PSMA3: variants seen among roughly 807,000 people sequenced by gnomAD.
The protein encoded by PSMA3 is proteasome 20S subunit alpha 3, also known as proteasome subunit alpha type-3.
In PSMA3, 8 loss-of-function variants were observed where a neutral mutation model predicts 40.0. The ratio of observed to expected loss-of-function variants is 0.20; its 90% confidence interval spans 0.12 to 0.36. PSMA3 has a LOEUF of 0.36. Among genes scored for constraint, PSMA3 ranks in the 10% least tolerant of loss-of-function variants. The pLI is 1.00. For missense variants in PSMA3, 219 were observed against 310.6 expected, an observed-to-expected ratio of 0.70 and a Z score of 2.22; for synonymous variants, 110 against 100.0, an observed-to-expected ratio of 1.10 and a Z score of -0.59.
intron 9 of PSMA3, 136 bp downstream of exon 9, chr14:58,270,621 AAT>A: frequency 1.4e-6 from 2 of 1,463,570 alleles, no homozygotes; most frequent in Non-Finnish European, 1.8e-6. Flanking sequence ...AGTTCTGCTT[AAT>A]AATTGACTTA....
intron 6 of PSMA3, among the ~76,000 whole-genome samples, chr14:58,263,126 G>T (rs1006960323): frequency 6.6e-6 from 1 of 151,684 alleles, no homozygotes; most frequent in Admixed American, 6.6e-5. Flanking sequence ...GGCATTACAG[G>T]CACCTGCCAC....
intron 6 of PSMA3, 119 bp downstream of exon 6, chr14:58,261,139 T>TTA: frequency 1.4e-6 from 1 of 739,014 alleles, no homozygotes; most frequent in Non-Finnish European, 2.1e-6. Flanking sequence ...AAAGTAATTT[T>TTA]TCTTTTTTTT....
rs372480112 is a variant in PSMA3, at chr14:58,261,040, T to C, written c.477+20T>C. Reference sequence around the variant, plus strand: ...TCATACGTGAGTAATTTTGAATCATTTGAAATTCTATTTTAGTTTAATGGT... The same window carrying C: ...TCATACGTGAGTAATTTTGAATCATCTGAAATTCTATTTTAGTTTAATGGT... On this transcript the variant is annotated intron_variant, in intron 6 of 10. Transcript: ENST00000216455. The C allele has an allele frequency of 2.8e-5, 43 of 1,537,754 alleles. No homozygotes were observed. In the African/African-American group the frequency reaches 4.8e-4, roughly 17 times the overall value.
chr14:58,264,203 A>G (rs926389540), intron 7 of PSMA3, among the ~76,000 whole-genome samples: 58 of 152,202 alleles, frequency 3.8e-4, no homozygotes, highest in African/African-American at 1.4e-3. Context: ...CTATTTATGA[A>G]TCTCTGTGAG....
intron 2 of PSMA3, 81 bp downstream of exon 2, chr14:58,247,913 G>A: frequency 1.1e-6 from 1 of 916,436 alleles, no homozygotes; most frequent in Non-Finnish European, 1.7e-6. Context: ...ATGTTACTTT[G>A]GTACAAATTA....
At chr14:58,254,333 C>CATGTATAT (rs1890090377) in intron 3 of PSMA3, among the ~76,000 whole-genome samples, 2 of 23,792 alleles carry the variant, frequency 8.4e-5, no homozygotes, top group Non-Finnish European at 1.7e-4. Flanking sequence ...ATTATGCATG[C>CATGTATAT]ATATATATAT....
At chr14:58,254,009 A>C (rs891095638) in intron 3 of PSMA3, among the ~76,000 whole-genome samples, 3 of 151,828 alleles carry the variant, frequency 2.0e-5, no homozygotes, top group Non-Finnish European at 2.9e-5. Context: ...CCCAGGTACT[A>C]AGCCTAGGAC....
At position 58,244,860 on chromosome 14, in the gene PSMA3, T is replaced by C; in HGVS notation, c.-61T>C. The stretch of plus-strand genomic sequence containing the variant: ...GGCCTGTTACTAGTTTGCGGCATCC[T>C]GTGGTATAGGGGAAGCGCTCCGGGC... On this transcript the variant is annotated 5_prime_UTR_variant, in exon 1 of 11. Transcript: ENST00000216455. The C allele has an allele frequency of 1.2e-6, 2 of 1,613,084 alleles. No homozygotes were observed. The highest frequency in any genetic ancestry group is 8.5e-7 in the Non-Finnish European group (1 of 1,179,018).
intron 3 of PSMA3, among the ~76,000 whole-genome samples, 188 bp from the exon 4 acceptor site, chr14:58,257,557 T>TTA (rs1566640430): frequency 2.6e-5 from 4 of 152,114 alleles, no homozygotes. Flanking sequence ...AAGTTATACT[T>TTA]ACTAAATTTC....
At chr14:58,245,659 G>A (rs903069109) in intron 1 of PSMA3, among the ~76,000 whole-genome samples, 1 of 152,166 alleles carries the variant, frequency 6.6e-6, no homozygotes, top group Non-Finnish European at 1.5e-5. Flanking sequence ...GCTTTCCTTT[G>A]TTAAACGTAT....
At chr14:58,245,089 C>T (rs1889849464) in intron 1 of PSMA3, 148 bp downstream of exon 1, 2 of 973,882 alleles carry the variant, frequency 2.1e-6, no homozygotes, top group Non-Finnish European at 1.6e-6. Context: ...GGAGACCGGT[C>T]GTCTTTATCC....
In PSMA3 at chr14:58,244,870, G is replaced by A. The variant is rs1177955890; in HGVS notation, c.-51G>A. ...TAGTTTGCGGCATCCTGTGGTATAG[G>A]GGAAGCGCTCCGGGCCTGGAATCCC... On this transcript the variant is annotated 5_prime_UTR_variant, in exon 1 of 11. Transcript: ENST00000216455. The A allele has an allele frequency of 6.2e-7, 1 of 1,614,092 alleles. No individual in the cohort carries two copies. The highest frequency in any genetic ancestry group is 8.5e-7 in the Non-Finnish European group (1 of 1,179,948).
At chr14:58,271,169 T>G (rs560183368) in intron 10 of PSMA3, among the ~76,000 whole-genome samples, 171 bp downstream of exon 10, 25 of 151,790 alleles carry the variant, frequency 1.6e-4, no homozygotes, top group African/African-American at 6.1e-4. Context: ...ACTGGGGTGG[T>G]TTCTATGAAA....
intron 5 of PSMA3, among the ~76,000 whole-genome samples, chr14:58,259,888 AGGGGTCCAGTCATATAAAAG>A (rs1890232627): frequency 6.6e-6 from 1 of 152,142 alleles, no homozygotes; most frequent in African/African-American, 2.4e-5. Context: ...TGATGTAGGA[AGGGGTCCAGTCATATAAAAG>A]TCTGTGCTCC....
chr14:58,268,760 A>T (rs1281081929), intron 8 of PSMA3: 1 of 152,192 alleles, frequency 6.6e-6, no homozygotes, highest in Admixed American at 6.5e-5. Flanking sequence ...CCATGTTAGG[A>T]AAGCCATCCC....
At chr14:58,250,759 T>C (rs1889993168) in intron 2 of PSMA3, among the ~76,000 whole-genome samples, 1 of 152,218 alleles carries the variant, frequency 6.6e-6, no homozygotes, top group Non-Finnish European at 1.5e-5. Context: ...TTTTAGATTC[T>C]GACTATGGCA....
intron 2 of PSMA3, among the ~76,000 whole-genome samples, chr14:58,251,026 A>G (rs1240159089): frequency 1.3e-5 from 2 of 152,136 alleles, no homozygotes. Flanking sequence ...ACTGAGGCTG[A>G]GGTGAGAGGA....
At chr14:58,256,764 A>G (rs1247672898) in intron 3 of PSMA3, among the ~76,000 whole-genome samples, 2 of 152,130 alleles carry the variant, frequency 1.3e-5, no homozygotes, top group Non-Finnish European at 2.9e-5. Flanking sequence ...CAGATTCTGA[A>G]GCGTTTTAAA....
chr14:58,266,619 GTT>G (rs995920937), intron 7 of PSMA3: 4 of 152,140 alleles, frequency 2.6e-5, no homozygotes, highest in Admixed American at 1.3e-4. Flanking sequence ...TTGGAAAAAA[GTT>G]TTTGGCTTCC....
Sources: allele counts gnomAD v4.1 joint callset (sites outside exome capture counted in the v4.1 genomes callset), GRCh38; gene constraint gnomAD v4.1.1; transcripts MANE v1.5; gene names NCBI Gene and HGNC (gene_info 2026-07-23, HGNC 2026-07-21).